Variants in SAMSN1 observed in about 807,000 individuals in gnomAD.
SAMSN1 encodes the protein SAM domain-containing protein SAMSN-1.
Under a neutral mutation model 42.0 loss-of-function variants are expected in SAMSN1, and 31 were observed. The ratio of observed to expected loss-of-function variants is 0.74; its 90% CI spans 0.55 to 1.00. The LOEUF is 1.00. SAMSN1 is among the 50% of genes least tolerant of loss of function. The pLI, the probability that SAMSN1 is intolerant of heterozygous loss-of-function variation, is 0.00. For synonymous variants in SAMSN1, 178 were observed against 151.9 expected, an observed-to-expected ratio of 1.17 and a Z score of -1.26; for missense variants, 464 against 439.4, an observed-to-expected ratio of 1.06 and a Z score of -0.50.
chr21:14,574,597 A>G (rs921692357), intron 2 of SAMSN1, among the ~76,000 whole-genome samples: 1 of 152,150 alleles, frequency 6.6e-6, no homozygotes, highest in Non-Finnish European at 1.5e-5. Flanking sequence ...CAACCCAAAT[A>G]ATTTGACTGG....
intron 7 of SAMSN1, chr21:14,592,561 T>G (rs966352157): frequency 3.3e-6 from 1 of 298,870 alleles, no homozygotes; most frequent in Non-Finnish European, 7.4e-6. Flanking sequence ...ATCACAGGAA[T>G]TCATTGTTCC....
intron 2 of SAMSN1, among the ~76,000 whole-genome samples, chr21:14,578,816 T>C (rs1236032774): frequency 6.6e-6 from 1 of 151,476 alleles, no homozygotes; most frequent in Admixed American, 6.6e-5. Context: ...AGCTCCATCA[T>C]ATCTGCATAT....
At chr21:14,647,161 T>C (rs1173873013) in intron 1 of SAMSN1, among the ~76,000 whole-genome samples, 2 of 152,204 alleles carry the variant, frequency 1.3e-5, no homozygotes, top group Non-Finnish European at 2.9e-5. Flanking sequence ...ATCAATCTGT[T>C]GCCTGCAAGA....
chr21:14,585,623 G>A (rs946099169), upstream of SAMSN1: 1 of 152,136 alleles, frequency 6.6e-6, no homozygotes, highest in Non-Finnish European at 1.5e-5. Context: ...CCTTTTTAAA[G>A]CATGATATTG....
chr21:14,611,907 A>G (rs1484826218), intron 4 of SAMSN1, among the ~76,000 whole-genome samples: 1 of 152,114 alleles, frequency 6.6e-6, no homozygotes. Context: ...GGAAAGGGAA[A>G]AGGGTACCCA....
At chr21:14,560,856 C>G (rs1180604693) in intron 2 of SAMSN1, among the ~76,000 whole-genome samples, 2 of 152,180 alleles carry the variant, frequency 1.3e-5, no homozygotes, top group South Asian at 4.1e-4. Flanking sequence ...TTTTCCAAGG[C>G]TGCCATAACG....
At chr21:14,548,208 A>G (rs534853778), upstream of SAMSN1, among the ~76,000 whole-genome samples, 5 of 152,336 alleles carry the variant, frequency 3.3e-5, no homozygotes, top group South Asian at 4.1e-4. Context: ...TAAAATGGCA[A>G]TGATAATGCT....
intron 5 of SAMSN1, among the ~76,000 whole-genome samples, chr21:14,502,925 T>C (rs1987233448): frequency 6.6e-6 from 1 of 152,218 alleles, no homozygotes; most frequent in Admixed American, 6.5e-5. Context: ...ATTGGTTTAG[T>C]GTTAACAATA....
rs941598976 is a variant in SAMSN1, at chr21:14,609,460, C to A, written c.322+22G>T. 4 of 717,348 alleles carry A rather than the reference C, an allele frequency of 5.6e-6. No homozygotes were observed. In the South Asian group the frequency reaches 5.9e-5, roughly 11 times the overall value. 44.4% of individuals were successfully genotyped at this position (717,348 alleles called of 1,614,324 possible). ...CTACTTTGGGAAAATGCAAAGTCAG[C>A]TGAACTAAATTTAGCAATTACCTTT... On this transcript the variant is annotated intron_variant, in intron 5 of 15. Coordinates refer to the SAMSN1 transcript ENST00000647101.
At chr21:14,539,538 T>C (rs1389005621) in intron 1 of SAMSN1, among the ~76,000 whole-genome samples, 1 of 151,808 alleles carries the variant, frequency 6.6e-6, no homozygotes, top group African/African-American at 2.4e-5. Context: ...GAACTCCCAT[T>C]CACAATTGCT....
intron 1 of SAMSN1, among the ~76,000 whole-genome samples, chr21:14,525,098 A>G (rs1978756671): frequency 6.6e-6 from 1 of 152,210 alleles, no homozygotes; most frequent in African/African-American, 2.4e-5. Flanking sequence ...CAGCTAATCA[A>G]TTAAAAATGA....
chr21:14,563,192 T>G (rs1228715550), intron 2 of SAMSN1, among the ~76,000 whole-genome samples: 11 of 152,202 alleles, frequency 7.2e-5, no homozygotes, highest in Non-Finnish European at 1.5e-4. Flanking sequence ...AACATGTCTT[T>G]GCATATATGA....
In SAMSN1 at chr21:14,537,896, C is replaced by T. The variant is rs568176011; in HGVS notation, c.57+8309G>A. Among the ~76,000 whole-genome samples, 9 of 152,224 alleles carry T rather than the reference C, an allele frequency of 5.9e-5. No individual in the cohort carries two copies. In the East Asian group the frequency reaches 9.6e-4, roughly 16 times the overall value. On this transcript the variant is annotated intron_variant, in intron 1 of 7. Coordinates refer to ENST00000400566, the MANE Select transcript of SAMSN1 (RefSeq NM_022136.5). ...ATGGCTAACAAGCTCCTGGAATGCC[C>T]GTGCTGTTGCTCTATAGGACCACAG...
At chr21:14,628,638 A>T (rs1983243897) in intron 2 of SAMSN1, among the ~76,000 whole-genome samples, 1 of 152,164 alleles carries the variant, frequency 6.6e-6, no homozygotes, top group South Asian at 2.1e-4. Flanking sequence ...TGAATGGAAA[A>T]ATTCCAGTGA....
At chr21:14,585,915 T>G (rs986856649), upstream of SAMSN1, among the ~76,000 whole-genome samples, 2 of 152,064 alleles carry the variant, frequency 1.3e-5, no homozygotes, top group Non-Finnish European at 2.9e-5. Context: ...AGAGTTAATA[T>G]TATTATAAAA....
intron 2 of SAMSN1, chr21:14,582,119 G>A (rs761913611): frequency 6.1e-5 from 93 of 1,525,358 alleles, no homozygotes; most frequent in Admixed American, 8.2e-5. Context: ...ACACATTTCC[G>A]TAGTCTGCAA....
intron 7 of SAMSN1, among the ~76,000 whole-genome samples, chr21:14,493,738 C>G (rs897125770): frequency 2.6e-5 from 4 of 152,080 alleles, no homozygotes; most frequent in African/African-American, 9.7e-5. Context: ...CTCTCTTGTC[C>G]CTTCAAGAGC....
At chr21:14,584,870 T>C (rs996079370), upstream of SAMSN1, among the ~76,000 whole-genome samples, 1 of 152,200 alleles carries the variant, frequency 6.6e-6, no homozygotes, top group Non-Finnish European at 1.5e-5. Context: ...AATAAATGTT[T>C]GGAAGTAAAG....
intron 7 of SAMSN1, 124 bp from the exon 8 acceptor site, chr21:14,486,238 G>T (rs3746826): frequency 1.5e-6 from 1 of 645,730 alleles, no homozygotes; most frequent in African/African-American, 1.8e-5. Flanking sequence ...ACAATGGAAA[G>T]TTCTGCAAGT....
Sources: allele counts gnomAD v4.1 joint callset (sites outside exome capture counted in the v4.1 genomes callset), GRCh38; gene constraint gnomAD v4.1.1; transcripts MANE v1.5; gene names NCBI Gene and HGNC (gene_info 2026-07-23, HGNC 2026-07-21).